Variants in NRG3 observed in about 807,000 individuals in gnomAD.
The protein encoded by NRG3 is neuregulin 3.
Under a neutral mutation model 66.9 loss-of-function variants are expected in NRG3, and 31 were observed. That is an observed-to-expected ratio of 0.46 (90% CI 0.35 to 0.63). NRG3 has a LOEUF of 0.63. NRG3 is among the 20% of genes least tolerant of loss of function. The pLI is 0.00. For missense variants in NRG3, 910 were observed against 878.9 expected, an observed-to-expected ratio of 1.04 and a Z score of -0.45; for synonymous variants, 393 against 359.4, an observed-to-expected ratio of 1.09 and a Z score of -1.06.
intron 2 of NRG3, among the ~76,000 whole-genome samples, chr10:82,475,653 T>C (rs925318940): frequency 6.6e-6 from 1 of 152,126 alleles, no homozygotes; most frequent in African/African-American, 2.4e-5. Context: ...GCAAAAAAAT[T>C]AAGTTAGACC....
chr10:82,741,959 C>G (rs1047747511), intron 3 of NRG3, among the ~76,000 whole-genome samples: 4 of 152,116 alleles, frequency 2.6e-5, no homozygotes, highest in African/African-American at 7.2e-5. Flanking sequence ...AATGAAATTT[C>G]CTTGTCAAAA....
intron 2 of NRG3, among the ~76,000 whole-genome samples, chr10:82,527,120 T>C (rs976912438): frequency 6.6e-6 from 1 of 151,858 alleles, no homozygotes; most frequent in Non-Finnish European, 1.5e-5. Flanking sequence ...AAACTGGAAA[T>C]ACCCAAAATG....
chr10:82,594,092 A>G (rs2047134741), intron 2 of NRG3, among the ~76,000 whole-genome samples: 1 of 152,126 alleles, frequency 6.6e-6, no homozygotes, highest in South Asian at 2.1e-4. Context: ...CTGAGTGGAA[A>G]AATACTTCTT....
intron 1 of NRG3, among the ~76,000 whole-genome samples, chr10:82,183,632 G>T (rs1206561705): frequency 4.6e-5 from 7 of 152,026 alleles, no homozygotes; most frequent in Admixed American, 4.6e-4. Flanking sequence ...TCATGTAATT[G>T]TCTAATGCAG....
intron 5 of NRG3, among the ~76,000 whole-genome samples, chr10:82,952,398 A>G (rs1849607511): frequency 6.7e-6 from 1 of 148,500 alleles, no homozygotes; most frequent in African/African-American, 2.5e-5. Context: ...ACACTGCTAC[A>G]CTGCAGCCTC....
intron 1 of NRG3, among the ~76,000 whole-genome samples, chr10:82,325,088 A>G (rs2081794180): frequency 6.6e-6 from 1 of 152,218 alleles, no homozygotes; most frequent in South Asian, 2.1e-4. Flanking sequence ...GAAGTTCTGT[A>G]GTAAGCTGCA....
chr10:82,402,270 A>G (rs1333354604), intron 2 of NRG3, among the ~76,000 whole-genome samples: 2 of 152,078 alleles, frequency 1.3e-5, no homozygotes, highest in Admixed American at 6.6e-5. Context: ...TGATTCCCCA[A>G]ATAGAATGTC....
intron 2 of NRG3, among the ~76,000 whole-genome samples, chr10:82,460,490 T>C (rs540353684): frequency 6.6e-6 from 1 of 152,320 alleles, no homozygotes. Flanking sequence ...TTTTCCTCCC[T>C]TTACCTCAAG....
At chr10:82,934,186 G>A (rs541079360) in intron 4 of NRG3, among the ~76,000 whole-genome samples, 2 of 152,306 alleles carry the variant, frequency 1.3e-5, no homozygotes, top group African/African-American at 4.8e-5. Context: ...AAACATGAAT[G>A]GGCATGTAGA....
At chr10:82,663,749 G>T (rs1279396822) in intron 2 of NRG3, among the ~76,000 whole-genome samples, 1 of 152,182 alleles carries the variant, frequency 6.6e-6, no homozygotes, top group Admixed American at 6.5e-5. Flanking sequence ...AGAAATATCA[G>T]GTTTGTAAGA....
chr10:82,957,126 A>C lies in NRG3; in HGVS notation c.1158-1823A>C, dbSNP rs561490009. Among the ~76,000 whole-genome samples, 12 of 152,080 alleles carry C rather than the reference A, an allele frequency of 7.9e-5. No homozygotes were observed. In the South Asian group the frequency reaches 2.3e-3, roughly 29 times the overall value. On this transcript the variant is annotated intron_variant, in intron 5 of 8. Transcript: ENST00000372141. ...GATTCTTTTGCAGCTTCTGCTCACA[A>C]GACTGAGCTTGCTTGATGGTATCGG...
chr10:81,883,253 G>A (rs1313009799), intron 1 of NRG3, among the ~76,000 whole-genome samples: 1 of 152,076 alleles, frequency 6.6e-6, no homozygotes, highest in Non-Finnish European at 1.5e-5. Context: ...TTGTACTTTG[G>A]GGAACTTTAA....
chr10:82,878,140 G>A (rs1841998758), intron 4 of NRG3, among the ~76,000 whole-genome samples: 1 of 152,120 alleles, frequency 6.6e-6, no homozygotes, highest in Non-Finnish European at 1.5e-5. Flanking sequence ...GGAAATATGA[G>A]AGAGAGGGAA....
At chr10:82,188,013 T>C (rs980692966) in intron 1 of NRG3, among the ~76,000 whole-genome samples, 5 of 151,000 alleles carry the variant, frequency 3.3e-5, no homozygotes, top group African/African-American at 1.2e-4. Flanking sequence ...GCTAAAGCTA[T>C]CCTAAGGAAA....
chr10:82,018,653 C>G lies in NRG3; in HGVS notation c.823+142490C>G, dbSNP rs185329525. Among the ~76,000 whole-genome samples, 519 of 152,266 alleles carry G rather than the reference C, an allele frequency of 3.4e-3. 2 individuals are homozygous for G. Among genetic ancestry groups the G allele is most frequent in the Non-Finnish European group, 5.5e-3 (373 of 68,028 alleles). Reference sequence around the variant, plus strand: ...TTCTCCTTGAAGAGGTCCTTCACATCCCTTGTAAGTTGGATCCCTAGGTAT... The same window carrying G: ...TTCTCCTTGAAGAGGTCCTTCACATGCCTTGTAAGTTGGATCCCTAGGTAT... On this transcript the variant is annotated intron_variant, in intron 1 of 8. Transcript: ENST00000372141.
chr10:82,188,542 A>G (rs1418871713), intron 1 of NRG3, among the ~76,000 whole-genome samples: 1 of 152,188 alleles, frequency 6.6e-6, no homozygotes, highest in Non-Finnish European at 1.5e-5. Flanking sequence ...AATAGTTGCA[A>G]ACTACTCATC....
intron 1 of NRG3, among the ~76,000 whole-genome samples, chr10:82,214,640 T>A (rs184754931): frequency 2.9e-3 from 438 of 151,984 alleles, no homozygotes; most frequent in African/African-American, 8.5e-3. Flanking sequence ...TTAAAAAAAA[T>A]TTTTTTTGCA....
At chr10:82,955,094 G>C (rs1262632590) in intron 5 of NRG3, 1 of 151,728 alleles carries the variant, frequency 6.6e-6, no homozygotes, top group Admixed American at 6.6e-5. Context: ...AAGCTCTCTT[G>C]ATCATTTATG....
chr10:81,922,416 C>T (rs1846341890), intron 1 of NRG3, among the ~76,000 whole-genome samples: 2 of 152,148 alleles, frequency 1.3e-5, no homozygotes, highest in African/African-American at 2.4e-5. Context: ...TCACATCCTT[C>T]CACCCTTCCA....
Sources: gnomAD v4.1 joint callset for allele counts (sites outside exome capture counted in the v4.1 genomes callset) on GRCh38, gnomAD v4.1.1 for gene constraint, MANE v1.5 for transcripts, NCBI Gene and HGNC (gene_info 2026-07-23, HGNC 2026-07-21) for gene names.